The following CEP70 variants were observed in gnomAD, a reference collection of about 807,000 sequenced individuals.
The protein encoded by CEP70 is centrosomal protein 70.
A neutral mutation model predicts 90.9 loss-of-function variants in CEP70; 70 were observed. That is an observed-to-expected ratio of 0.77 (90% CI 0.64 to 0.94). CEP70 has a LOEUF of 0.94. Among genes scored for constraint, CEP70 ranks in the 40% least tolerant of loss-of-function variants. CEP70 has a pLI of 0.00. For missense variants in CEP70, 648 were observed against 669.0 expected (o/e 0.97, Z 0.35); for synonymous variants, 220 against 228.3 (o/e 0.96, Z 0.33).
chr3:138,535,980 T>C (rs2038233031), intron 7 of CEP70, among the ~76,000 whole-genome samples: 1 of 152,150 alleles, frequency 6.6e-6, no homozygotes, highest in East Asian at 1.9e-4. Flanking sequence ...TATATGTGTA[T>C]ATATGTGCAT....
At position 138,573,003 on chromosome 3, in the gene CEP70, A is replaced by G. The variant is rs1017187332; in HGVS notation, c.-5-71T>C. 53 of 1,006,944 alleles carry G rather than the reference A, an allele frequency of 5.3e-5. No individual in the cohort carries two copies. In the South Asian group the frequency reaches 7.2e-4, roughly 14 times the overall value. 62.4% of individuals were successfully genotyped at this position (1,006,944 alleles called of 1,614,324 possible). A position where few individuals can be genotyped will look rare whatever the true frequency, so the allele number is the denominator to read the frequency against. On this transcript the variant is annotated intron_variant, in intron 2 of 17. Coordinates refer to ENST00000264982, the MANE Select transcript of CEP70 (RefSeq NM_024491.4). The stretch of plus-strand genomic sequence containing the variant: ...GAGTTGCCTAAATGAAAAAAGACAA[A>G]AAGTGCAAAAGGAGTTAAAGAAAAG...
chr3:138,589,649 C>A lies in CEP70; in HGVS notation c.-6+2205G>T, dbSNP rs894180451. Among the ~76,000 whole-genome samples the A allele has an allele frequency of 6.4e-4, 97 of 151,886 alleles. 1 individual carries two copies. The highest frequency in any genetic ancestry group is 2.1e-3 in the African/African-American group (88 of 41,406). On this transcript the variant is annotated intron_variant, in intron 2 of 17. Coordinates refer to ENST00000264982, the MANE Select transcript of CEP70 (RefSeq NM_024491.4). ...CTACAGCCAGGGTGACAGAGTAAGA[C>A]TGTATCTCAAAAAGAAAAAAAGAAA...
Position 138,529,352 on chromosome 3 carries a change from TATTA to T in CEP70, c.780+19_780+22del, listed in dbSNP as rs756969151. ...ATTACTTAGTTTATTAAAAAGTATT[TATTA>T]GTTATGCAGTCCCCATACCATTAAA... On this transcript the variant is annotated intron_variant, in intron 9 of 17. Coordinates refer to ENST00000264982, the MANE Select transcript of CEP70 (RefSeq NM_024491.4). 48 of 1,573,768 alleles carry T rather than the reference TATTA, an allele frequency of 3.0e-5. No homozygotes were observed. Among genetic ancestry groups the T allele is most frequent in the Non-Finnish European group, 4.2e-5 (48 of 1,152,738 alleles).
intron 6 of CEP70, among the ~76,000 whole-genome samples, chr3:138,560,131 G>A (rs1047486958): frequency 2.6e-5 from 4 of 152,162 alleles, no homozygotes; most frequent in South Asian, 4.1e-4. Context: ...TGCAGAAGGC[G>A]GGTGATTTCT....
chr3:138,543,831 G>A (rs1392614937), intron 6 of CEP70, among the ~76,000 whole-genome samples: 4 of 152,156 alleles, frequency 2.6e-5, no homozygotes, highest in Admixed American at 2.0e-4. Flanking sequence ...AAAACAAAAA[G>A]CTCCCCCTCA....
Position 138,498,122 on chromosome 3 carries a change from A to C in CEP70, c.1653-12T>G. On this transcript the variant is annotated splice_polypyrimidine_tract_variant and intron_variant, in intron 16 of 17. Coordinates refer to ENST00000264982, the MANE Select transcript of CEP70 (RefSeq NM_024491.4). ...ATTTGTAGATAATGCTGTTTAAAAA[A>C]TGCACAATTTAAACCTGATTTCTAA... 1 of 1,607,950 alleles carries C rather than the reference A, an allele frequency of 6.2e-7. No individual in the cohort carries two copies. The highest frequency in any genetic ancestry group is 8.5e-7 in the Non-Finnish European group (1 of 1,176,128).
In CEP70 at chr3:138,591,855, T is replaced by A; in HGVS notation, c.-7A>T. ...AGTCATCCGTTACATTAGACATACCTCAGTCATAGCATATTACTCTTGCAC... is the reference window on the plus strand; with the variant it reads ...AGTCATCCGTTACATTAGACATACCACAGTCATAGCATATTACTCTTGCAC... On this transcript the variant is annotated splice_region_variant and 5_prime_UTR_variant, in exon 2 of 18. Coordinates refer to ENST00000264982, the MANE Select transcript of CEP70 (RefSeq NM_024491.4). 6.5e-7 allele frequency: 1 copy of A among 1,529,556 alleles called. No homozygotes were observed. The highest frequency in any genetic ancestry group is 8.7e-7 in the Non-Finnish European group (1 of 1,144,142). 94.7% of individuals were successfully genotyped at this position (1,529,556 alleles called of 1,614,324 possible). A position where few individuals can be genotyped will look rare whatever the true frequency, so the allele number is the denominator to read the frequency against.
chr3:138,504,653 T>G (rs576496552), intron 13 of CEP70, among the ~76,000 whole-genome samples: 1 of 152,280 alleles, frequency 6.6e-6, no homozygotes, highest in South Asian at 2.1e-4. Context: ...TTTCAACTAT[T>G]TACCTTTCAG....
intron 2 of CEP70, among the ~76,000 whole-genome samples, chr3:138,577,523 C>T (rs2041614242): frequency 6.6e-6 from 1 of 152,044 alleles, no homozygotes. Context: ...TGGCTCATGC[C>T]TGTAATCCCA....
Position 138,514,233 on chromosome 3 carries a change from G to C in CEP70, c.945-5689C>G, listed in dbSNP as rs995243933. Among the ~76,000 whole-genome samples, 7 of 152,128 alleles carry C rather than the reference G, an allele frequency of 4.6e-5. No individual in the cohort carries two copies. The East Asian group carries it at 1.2e-3, about 25-fold the overall frequency. ...CCTGTCTCTGTTGGAATTTCGTCAA[G>C]GCTCCTGGCCCCAAGTTGTAACCTC... On this transcript the variant is annotated intron_variant, in intron 11 of 17. Coordinates refer to ENST00000264982, the MANE Select transcript of CEP70 (RefSeq NM_024491.4).
Position 138,500,490 on chromosome 3 carries a change from T to TC in CEP70, c.1445_1446insG (p.Asn483LysfsTer9), listed in dbSNP as rs766424517. ...CATTCATTCGGGGATAGACTCCATT[T>TC]AAAGAAGGCACATCAAATAACTTTT... On this transcript the variant is annotated frameshift_variant, in exon 15 of 18. Coordinates refer to ENST00000264982, the MANE Select transcript of CEP70 (RefSeq NM_024491.4). LOFTEE classifies it high-confidence loss of function. 27 of 1,612,126 alleles carry TC rather than the reference T, an allele frequency of 1.7e-5. No individual in the cohort carries two copies. The highest frequency in any genetic ancestry group is 2.3e-5 in the Non-Finnish European group (27 of 1,179,494).
chr3:138,569,388 T>G (rs376333240), intron 6 of CEP70, among the ~76,000 whole-genome samples: 1 of 152,180 alleles, frequency 6.6e-6, no homozygotes, highest in Non-Finnish European at 1.5e-5. Context: ...ATGTTTATAA[T>G]GACATAATGT....
At chr3:138,586,440 G>T (rs2042109115) in intron 2 of CEP70, among the ~76,000 whole-genome samples, 1 of 152,164 alleles carries the variant, frequency 6.6e-6, no homozygotes, top group African/African-American at 2.4e-5. Context: ...TCCACTGACA[G>T]ACAAATGGAT....
intron 2 of CEP70, among the ~76,000 whole-genome samples, chr3:138,587,705 A>G (rs1445992069): frequency 3.3e-5 from 5 of 152,170 alleles, no homozygotes; most frequent in African/African-American, 1.2e-4. Flanking sequence ...ACTTGAACCC[A>G]GGAGTTTAAT....
At chr3:138,515,846 T>G (rs949258273) in intron 11 of CEP70, among the ~76,000 whole-genome samples, 21 of 152,314 alleles carry the variant, frequency 1.4e-4, no homozygotes, top group Admixed American at 1.4e-3. Context: ...CCCTACATCC[T>G]CCTTCTCCTA....
intron 2 of CEP70, among the ~76,000 whole-genome samples, chr3:138,576,991 T>C (rs2041570448): frequency 6.7e-6 from 1 of 149,978 alleles, no homozygotes; most frequent in African/African-American, 2.5e-5. Flanking sequence ...GTGGCACATA[T>C]ACACCATGGA....
At chr3:138,564,686 T>C (rs1368503562) in intron 6 of CEP70, among the ~76,000 whole-genome samples, 3 of 152,142 alleles carry the variant, frequency 2.0e-5, no homozygotes, top group African/African-American at 7.2e-5. Context: ...TGGGGATTGA[T>C]CGAACGTATC....
At chr3:138,497,193 C>G in intron 17 of CEP70, 1 of 1,191,978 alleles carries the variant, frequency 8.4e-7, no homozygotes, top group Non-Finnish European at 1.1e-6. Flanking sequence ...GGTCACAAAA[C>G]TTCCTTTATG....
intron 11 of CEP70, among the ~76,000 whole-genome samples, chr3:138,519,306 C>A (rs1487799750): frequency 6.6e-6 from 1 of 152,166 alleles, no homozygotes; most frequent in Non-Finnish European, 1.5e-5. Context: ...GGCAGGCCAA[C>A]ATTCAAACTC....
Sources: allele counts gnomAD v4.1 joint callset (sites outside exome capture counted in the v4.1 genomes callset), GRCh38; gene constraint gnomAD v4.1.1; transcripts MANE v1.5; gene names NCBI Gene and HGNC (gene_info 2026-07-23, HGNC 2026-07-21).